The following XKR4 variants were observed in gnomAD, a reference collection of about 807,000 sequenced individuals.
XKR4 encodes the protein XK-related protein 4.
XKR4 carries 12 observed loss-of-function variants against 53.9 expected under a neutral mutation model. The ratio of observed to expected loss-of-function variants is 0.22; its 90% confidence interval spans 0.14 to 0.36. The LOEUF (loss-of-function observed/expected upper bound fraction) is 0.36, where lower values mean the gene tolerates loss of function less well. XKR4 is among the 10% of genes least tolerant of loss of function. XKR4 has a pLI of 1.00. For synonymous variants in XKR4, 354 were observed against 362.4 expected, an observed-to-expected ratio of 0.98 and a Z score of 0.26; for missense variants, 799 against 859.5, an observed-to-expected ratio of 0.93 and a Z score of 0.88.
intron 1 of XKR4, among the ~76,000 whole-genome samples, chr8:55,301,043 G>GTGCA (rs1819186122): frequency 6.6e-6 from 1 of 151,610 alleles, no homozygotes; most frequent in South Asian, 2.1e-4. Flanking sequence ...TGTGCACAAT[G>GTGCA]TGCAGGTTTG....
chr8:55,486,694 G>A (rs1465434890), intron 2 of XKR4, among the ~76,000 whole-genome samples: 1 of 152,202 alleles, frequency 6.6e-6, no homozygotes, highest in African/African-American at 2.4e-5. Context: ...AGTGGTTGGG[G>A]CCTACAAATT....
intron 1 of XKR4, among the ~76,000 whole-genome samples, chr8:55,206,220 G>A (rs542956470): frequency 3.3e-5 from 5 of 151,896 alleles, no homozygotes; most frequent in African/African-American, 9.7e-5. Flanking sequence ...TGCCACTGGG[G>A]CTGGGTGGCC....
intron 1 of XKR4, among the ~76,000 whole-genome samples, chr8:55,232,081 CA>C (rs1818049833): frequency 6.6e-6 from 1 of 152,218 alleles, no homozygotes; most frequent in Non-Finnish European, 1.5e-5. Flanking sequence ...AATCTTATCT[CA>C]ATCCTGTCAT....
At chr8:55,382,096 TAAC>T (rs762671552) in intron 2 of XKR4, among the ~76,000 whole-genome samples, 1 of 152,238 alleles carries the variant, frequency 6.6e-6, no homozygotes, top group Non-Finnish European at 1.5e-5. Context: ...GAAGGCTTTA[TAAC>T]ATTGTAATTG....
At chr8:55,122,731 T>C (rs1050715740) in intron 1 of XKR4, among the ~76,000 whole-genome samples, 17 of 152,184 alleles carry the variant, frequency 1.1e-4, no homozygotes. Flanking sequence ...GCAATAACAA[T>C]TGAATGAAAT....
chr8:55,465,940 C>T (rs1462333728), intron 2 of XKR4, among the ~76,000 whole-genome samples: 6 of 152,044 alleles, frequency 3.9e-5, no homozygotes, highest in Non-Finnish European at 8.8e-5. Flanking sequence ...CAATGAGATA[C>T]CATCTCACAC....
chr8:55,454,936 G>C (rs1484703626), intron 2 of XKR4: 3 of 816,150 alleles, frequency 3.7e-6, no homozygotes, highest in African/African-American at 1.7e-5. Flanking sequence ...AGTTGATGTC[G>C]GTGAGGACAG....
chr8:55,513,077 C>T (rs376241645), intron 2 of XKR4, among the ~76,000 whole-genome samples: 64 of 152,282 alleles, frequency 4.2e-4, no homozygotes, highest in Non-Finnish European at 7.1e-4. Flanking sequence ...CACCCTGGTC[C>T]CAGTGTGAGG....
intron 1 of XKR4, among the ~76,000 whole-genome samples, chr8:55,174,742 A>G (rs1368736559): frequency 6.6e-6 from 1 of 152,302 alleles, no homozygotes; most frequent in East Asian, 1.9e-4. Context: ...CTCCCAGTTG[A>G]CAGGATAATC....
At chr8:55,138,700 G>T (rs982576962) in intron 1 of XKR4, among the ~76,000 whole-genome samples, 2 of 152,194 alleles carry the variant, frequency 1.3e-5, no homozygotes, top group Non-Finnish European at 2.9e-5. Context: ...ATTGTTGAGG[G>T]TCTACCATGC....
intron 2 of XKR4, among the ~76,000 whole-genome samples, chr8:55,367,937 G>A (rs971519469): frequency 2.0e-5 from 3 of 152,004 alleles, no homozygotes; most frequent in Non-Finnish European, 4.4e-5. Flanking sequence ...CAGCCATAGC[G>A]ATGCGTTTTG....
chr8:55,120,956 G>A (rs992493521), intron 1 of XKR4, among the ~76,000 whole-genome samples: 8 of 152,138 alleles, frequency 5.3e-5, no homozygotes, highest in African/African-American at 1.9e-4. Context: ...CGTGTAGTTG[G>A]AATCATATAG....
chr8:55,413,119 TA>T (rs1355154422), intron 2 of XKR4, among the ~76,000 whole-genome samples: 3 of 152,244 alleles, frequency 2.0e-5, no homozygotes, highest in Non-Finnish European at 4.4e-5. Flanking sequence ...CAATTATGCA[TA>T]TATGACATTG....
At chr8:55,362,863 G>C (rs867064801) in intron 2 of XKR4, among the ~76,000 whole-genome samples, 1 of 152,158 alleles carries the variant, frequency 6.6e-6, no homozygotes, top group South Asian at 2.1e-4. Flanking sequence ...GGGGTCAAAG[G>C]GTGTGCTCCC....
chr8:55,447,337 G>GAGATCAC (rs1805361718), intron 2 of XKR4, among the ~76,000 whole-genome samples: 1 of 152,194 alleles, frequency 6.6e-6, no homozygotes. Context: ...TTCCAAAGTT[G>GAGATCAC]AGATCACAGA....
At chr8:55,335,021 C>T (rs1803439177) in intron 1 of XKR4, among the ~76,000 whole-genome samples, 1 of 152,158 alleles carries the variant, frequency 6.6e-6, no homozygotes, top group Non-Finnish European at 1.5e-5. Flanking sequence ...GAAACTGCTC[C>T]ATGTATGGCA....
At chr8:55,356,339 A>G (rs1803796271) in intron 1 of XKR4, among the ~76,000 whole-genome samples, 4 of 152,224 alleles carry the variant, frequency 2.6e-5, no homozygotes, top group Admixed American at 2.0e-4. Context: ...CTAATTACCC[A>G]TTTGCAGAAA....
At chr8:55,149,417 T>A (rs1019115115) in intron 1 of XKR4, among the ~76,000 whole-genome samples, 10 of 152,170 alleles carry the variant, frequency 6.6e-5, no homozygotes, top group African/African-American at 2.4e-4. Flanking sequence ...CAGGAGATGA[T>A]GCATTTGAAA....
chr8:55,106,705 A>G (rs1816154864), intron 1 of XKR4, among the ~76,000 whole-genome samples: 1 of 152,192 alleles, frequency 6.6e-6, no homozygotes, highest in African/African-American at 2.4e-5. Context: ...GTATGTATGT[A>G]CATAGTTAAT....
Sources: gnomAD v4.1 joint callset for allele counts (sites outside exome capture counted in the v4.1 genomes callset) on GRCh38, gnomAD v4.1.1 for gene constraint, MANE v1.5 for transcripts, NCBI Gene and HGNC (gene_info 2026-07-23, HGNC 2026-07-21) for gene names.